NCALD: variants seen among roughly 807,000 people sequenced by gnomAD.
NCALD encodes neurocalcin delta, also known as neurocalcin-delta.
NCALD carries 10 observed loss-of-function variants against 18.6 expected under a neutral mutation model. The ratio of observed to expected loss-of-function variants is 0.54; its 90% CI spans 0.33 to 0.91. The LOEUF is 0.91. Ranked by LOEUF, NCALD falls within the 40% of genes least tolerant of loss-of-function variation. The pLI is 0.03. For synonymous variants in NCALD, 88 were observed against 87.4 expected (o/e 1.01, Z -0.04); for missense variants, 184 against 247.6 (o/e 0.74, Z 1.72).
At chr8:101,905,259 A>C (rs1164074322) in intron 3 of NCALD, among the ~76,000 whole-genome samples, 1 of 147,776 alleles carries the variant, frequency 6.8e-6, no homozygotes. Flanking sequence ...TATTTCTAGC[A>C]CCAATCTCTC....
intron 1 of NCALD, among the ~76,000 whole-genome samples, chr8:102,117,878 G>T (rs1026264211): frequency 6.6e-6 from 1 of 152,160 alleles, no homozygotes; most frequent in African/African-American, 2.4e-5. Flanking sequence ...TGGGGAAAAC[G>T]TAACCTTCCA....
chr8:102,057,243 A>G (rs1823682298), intron 1 of NCALD, among the ~76,000 whole-genome samples: 1 of 133,570 alleles, frequency 7.5e-6, no homozygotes. Context: ...TCTCCCTTCT[A>G]CTTGGCTAGT....
At chr8:101,832,127 G>A (rs907395591) in intron 4 of NCALD, among the ~76,000 whole-genome samples, 25 of 152,146 alleles carry the variant, frequency 1.6e-4, no homozygotes, top group Non-Finnish European at 1.8e-4. Context: ...ACCAGGCTTC[G>A]TGGTCTGGTG....
At chr8:101,734,314 G>A (rs1301247937) in intron 1 of NCALD, among the ~76,000 whole-genome samples, 1 of 152,118 alleles carries the variant, frequency 6.6e-6, no homozygotes, top group African/African-American at 2.4e-5. Flanking sequence ...CCTTGGGGAG[G>A]CCTTCTCTGA....
chr8:102,103,970 A>G (rs151196753), intron 1 of NCALD, among the ~76,000 whole-genome samples: 1 of 152,340 alleles, frequency 6.6e-6, no homozygotes, highest in Non-Finnish European at 1.5e-5. Context: ...TGGAGTAAGC[A>G]AAGAGACACG....
chr8:101,798,527 C>G (rs761733994), intron 4 of NCALD, among the ~76,000 whole-genome samples: 5 of 152,120 alleles, frequency 3.3e-5, no homozygotes, highest in Non-Finnish European at 7.4e-5. Flanking sequence ...TAAATGGAGA[C>G]AGATGCCATG....
At chr8:101,855,098 G>T (rs749780860) in intron 4 of NCALD, among the ~76,000 whole-genome samples, 1 of 152,124 alleles carries the variant, frequency 6.6e-6, no homozygotes, top group Non-Finnish European at 1.5e-5. Flanking sequence ...GAGAAGACAC[G>T]TGGAAACAAG....
At chr8:101,966,994 A>G (rs756023927) in intron 2 of NCALD, among the ~76,000 whole-genome samples, 34 of 152,324 alleles carry the variant, frequency 2.2e-4, no homozygotes, top group Middle Eastern at 3.4e-3. Flanking sequence ...TCATGATGCT[A>G]ATTTTAGAAT....
In NCALD at chr8:102,057,257, T is replaced by TACACACACACACAC. The variant is rs3085988; in HGVS notation, c.-209-36982_-209-36969dup. 7.6e-3 allele frequency among the ~76,000 whole-genome samples: 1,126 copies of TACACACACACACAC among 147,748 alleles called. 15 individuals are homozygous for TACACACACACACAC. Among genetic ancestry groups the TACACACACACACAC allele is most frequent in the African/African-American group, 0.02 (808 of 39,970 alleles). The stretch of plus-strand genomic sequence containing the variant: ...TTCTCCCTTCTACTTGGCTAGTTCA[T>TACACACACACACAC]ACACACACACACACACACACACACA... On this transcript the variant is annotated intron_variant, in intron 1 of 6. Transcript: ENST00000311028.
chr8:102,018,674 T>C (rs980921889), intron 2 of NCALD, among the ~76,000 whole-genome samples: 12 of 152,186 alleles, frequency 7.9e-5, no homozygotes, highest in African/African-American at 2.9e-4. Flanking sequence ...AATGATTACA[T>C]ACATTTTTCA....
Position 102,009,299 on chromosome 8 carries a change from T to C in NCALD, c.-157+10938A>G, listed in dbSNP as rs546920606. 8.5e-5 allele frequency among the ~76,000 whole-genome samples: 13 copies of C among 152,258 alleles called. No homozygotes were observed. The South Asian group carries it at 1.2e-3, about 15-fold the overall frequency. ...ATAAAAAGCAATCCTTTCAAAGATT[T>C]AAGCTCTGTTGCTTTAGAGTTAGCA... On this transcript the variant is annotated intron_variant, in intron 2 of 6. Transcript: ENST00000311028.
At chr8:101,988,289 T>A (rs981414347) in intron 2 of NCALD, among the ~76,000 whole-genome samples, 3 of 152,148 alleles carry the variant, frequency 2.0e-5, no homozygotes, top group African/African-American at 7.2e-5. Flanking sequence ...AAGTGTTATA[T>A]ACGTAATATA....
At chr8:101,946,723 A>G (rs1460118872) in intron 2 of NCALD, among the ~76,000 whole-genome samples, 2 of 150,808 alleles carry the variant, frequency 1.3e-5, no homozygotes, top group Non-Finnish European at 3.0e-5. Flanking sequence ...AGAAACCAGC[A>G]GTTTACAAAT....
intron 2 of NCALD, among the ~76,000 whole-genome samples, chr8:101,705,224 A>T (rs980368826): frequency 6.6e-6 from 1 of 151,550 alleles, no homozygotes; most frequent in African/African-American, 2.4e-5. Flanking sequence ...ACTTCATCTC[A>T]AAATAAATAA....
At chr8:101,858,355 C>T (rs1449209286) in intron 4 of NCALD, among the ~76,000 whole-genome samples, 1 of 152,046 alleles carries the variant, frequency 6.6e-6, no homozygotes, top group Non-Finnish European at 1.5e-5. Context: ...ACTAGAGGCA[C>T]CAGATACCTC....
At chr8:101,809,504 A>G (rs1253175330) in intron 4 of NCALD, among the ~76,000 whole-genome samples, 3 of 152,212 alleles carry the variant, frequency 2.0e-5, no homozygotes, top group Non-Finnish European at 2.9e-5. Flanking sequence ...CAGTACAATT[A>G]GCACAAATGT....
intron 2 of NCALD, among the ~76,000 whole-genome samples, chr8:102,012,557 G>A (rs1821942647): frequency 6.6e-6 from 1 of 152,228 alleles, no homozygotes; most frequent in African/African-American, 2.4e-5. Context: ...TCTAGTGCGG[G>A]GAGTAGCGGG....
chr8:101,711,530 T>C (rs1815792102), intron 2 of NCALD, among the ~76,000 whole-genome samples: 1 of 151,660 alleles, frequency 6.6e-6, no homozygotes, highest in Admixed American at 6.6e-5. Flanking sequence ...TGATAAAAAG[T>C]TAGAGGAGTT....
intron 1 of NCALD, among the ~76,000 whole-genome samples, chr8:101,757,527 T>C (rs1810937375): frequency 2.0e-5 from 3 of 152,148 alleles, no homozygotes. Flanking sequence ...AGAAGAAAAA[T>C]GGCTGTCATT....
Sources: allele counts gnomAD v4.1 joint callset (sites outside exome capture counted in the v4.1 genomes callset), GRCh38; gene constraint gnomAD v4.1.1; transcripts MANE v1.5; gene names NCBI Gene and HGNC (gene_info 2026-07-23, HGNC 2026-07-21).